MEIS2: variants seen among roughly 807,000 people sequenced by gnomAD.
The protein encoded by MEIS2 is homeobox protein Meis2.
MEIS2 carries 9 observed loss-of-function variants against 58.6 expected under a neutral mutation model. The observed-to-expected ratio is 0.15, with a 90% confidence interval of 0.09 to 0.27. The LOEUF (loss-of-function observed/expected upper bound fraction) is 0.27, where lower values mean the gene tolerates loss of function less well. MEIS2 is among the 10% of genes least tolerant of loss of function. The probability of loss-of-function intolerance (pLI) is 1.00; values close to 1 mark genes in which losing one functional copy is unlikely to be tolerated. For synonymous variants in MEIS2, 221 were observed against 228.4 expected (o/e 0.97, Z 0.29); for missense variants, 427 against 635.0 (o/e 0.67, Z 3.52).
intron 8 of MEIS2, among the ~76,000 whole-genome samples, chr15:36,963,085 T>G (rs2059241029): frequency 6.6e-6 from 1 of 151,834 alleles, no homozygotes; most frequent in African/African-American, 2.4e-5. Context: ...CATATAAGAG[T>G]GAAACTTGGC....
intron 9 of MEIS2, among the ~76,000 whole-genome samples, chr15:36,938,969 G>A (rs1471121587): frequency 1.3e-5 from 2 of 152,098 alleles, no homozygotes; most frequent in Non-Finnish European, 2.9e-5. Context: ...TGTGGACAGG[G>A]GTGTCAGCCT....
chr15:37,013,426 G>A (rs2061233478), intron 8 of MEIS2, among the ~76,000 whole-genome samples: 1 of 151,776 alleles, frequency 6.6e-6, no homozygotes, highest in Non-Finnish European at 1.5e-5. Context: ...CAAAAAATTA[G>A]CTGGGCATGG....
rs113897130 is a variant in MEIS2 at position 37,001,663 on chromosome 15, C to G, written c.900+35151G>C. Among the ~76,000 whole-genome samples, 1,189 of 152,210 alleles carry G rather than the reference C, an allele frequency of 7.8e-3. 10 individuals carry two copies. The highest frequency in any genetic ancestry group is 0.028 in the African/African-American group (1,147 of 41,518). On this transcript the variant is annotated intron_variant, in intron 8 of 11. Coordinates refer to ENST00000561208, the MANE Select transcript of MEIS2 (RefSeq NM_170675.5). ...CTCATTAGCTTACACTTAGATCAGG[C>G]TTTTGCAACCTTTAGTCATTCCCCT...
At chr15:37,057,649 A>T (rs78927105) in intron 7 of MEIS2, among the ~76,000 whole-genome samples, 1 of 151,748 alleles carries the variant, frequency 6.6e-6, no homozygotes, top group Admixed American at 6.6e-5. Flanking sequence ...TGGAACTGAA[A>T]AAATAAATAA....
chr15:36,909,678 A>G (rs2056909679), intron 9 of MEIS2, among the ~76,000 whole-genome samples: 1 of 152,208 alleles, frequency 6.6e-6, no homozygotes, highest in Non-Finnish European at 1.5e-5. Flanking sequence ...TAGAGAGGCC[A>G]GGTAAATCGT....
chr15:37,093,903 C>A (rs1893861707), intron 5 of MEIS2, 173 bp from the exon 6 acceptor site: 5 of 725,914 alleles, frequency 6.9e-6, no homozygotes, highest in Non-Finnish European at 1.1e-5. Context: ...GGCAAGGAAA[C>A]AATAGAGTAA....
At position 36,890,693 on chromosome 15, in the gene MEIS2, G is replaced by A. The variant is rs2055808962; in HGVS notation, c.*1480C>T. On this transcript the variant is annotated 3_prime_UTR_variant, in exon 12 of 12. Transcript: ENST00000561208. ...TATGTTGTAAAATTAACCCTGAAAA[G>A]TCCTTTATTCTGGCAGAGGATGCCC... 1 of 152,098 alleles carries A rather than the reference G, an allele frequency of 6.6e-6. No individual in the cohort carries two copies. The highest frequency in any genetic ancestry group is 1.5e-5 in the Non-Finnish European group (1 of 68,008). The allele number at this position is 152,098 out of a possible 1,614,324, so 9.4% of individuals were successfully genotyped here. A position where few individuals can be genotyped will look rare whatever the true frequency, so the allele number is the denominator to read the frequency against.
chr15:36,951,194 A>G (rs2058738372), intron 8 of MEIS2, among the ~76,000 whole-genome samples: 1 of 152,196 alleles, frequency 6.6e-6, no homozygotes, highest in Admixed American at 6.6e-5. Context: ...TTCTTCCATT[A>G]TCAAGACACT....
At chr15:37,000,572 C>G (rs942548224) in intron 8 of MEIS2, among the ~76,000 whole-genome samples, 11 of 151,716 alleles carry the variant, frequency 7.3e-5, no homozygotes, top group Non-Finnish European at 1.5e-4. Context: ...CTTTTTTTCT[C>G]CTCTTCGTAT....
At chr15:36,920,201 G>A (rs541256377) in intron 9 of MEIS2, among the ~76,000 whole-genome samples, 1 of 151,990 alleles carries the variant, frequency 6.6e-6, no homozygotes, top group East Asian at 1.9e-4. Context: ...CCAGGCTGGA[G>A]TACAATGGCT....
At chr15:36,946,540 A>T (rs2058573120) in intron 9 of MEIS2, among the ~76,000 whole-genome samples, 1 of 151,888 alleles carries the variant, frequency 6.6e-6, no homozygotes, top group South Asian at 2.1e-4. Context: ...ATGCCTATTT[A>T]CCCCTGGAAG....
intron 7 of MEIS2, among the ~76,000 whole-genome samples, chr15:37,062,498 T>C (rs1889355054): frequency 1.3e-5 from 2 of 152,194 alleles, no homozygotes; most frequent in Admixed American, 6.5e-5. Context: ...GAAGGAGAGA[T>C]CTTTCACAAA....
In MEIS2 at chr15:36,948,615, A is replaced by G. The variant is rs1380787236; in HGVS notation, c.977+1709T>C. On this transcript the variant is annotated intron_variant, in intron 9 of 11. Coordinates refer to ENST00000561208, the MANE Select transcript of MEIS2 (RefSeq NM_170675.5). ...ATTCTAAAGCAATGTTAACTGCGTCATGGACCAATGTGTATATATTAGCTC... is the reference window on the plus strand; with the variant it reads ...ATTCTAAAGCAATGTTAACTGCGTCGTGGACCAATGTGTATATATTAGCTC... Among the ~76,000 whole-genome samples the G allele has an allele frequency of 3.3e-5, 5 of 152,036 alleles. No homozygotes were observed. In the East Asian group the frequency reaches 9.6e-4, roughly 29 times the overall value.
At chr15:37,101,252 CGGGA>C (rs1439785460), upstream of MEIS2, 1 of 151,118 alleles carries the variant, frequency 6.6e-6, no homozygotes, top group East Asian at 2.0e-4. Flanking sequence ...GCGGCGGAAT[CGGGA>C]GGGAGGAAGT....
At position 36,935,186 on chromosome 15, in the gene MEIS2, C is replaced by CTT. The variant is rs71126245; in HGVS notation, c.977+15136_977+15137dup. On this transcript the variant is annotated intron_variant, in intron 9 of 11. Coordinates refer to ENST00000561208, the MANE Select transcript of MEIS2 (RefSeq NM_170675.5). ...TTTCCAGATTGAGAAATTCTTTTTTCTTTTTTTTTTTTTTTTTAGCGGAGG... is the reference window on the plus strand; with the variant it reads ...TTTCCAGATTGAGAAATTCTTTTTTCTTTTTTTTTTTTTTTTTTTAGCGGAGG... Among the ~76,000 whole-genome samples the CTT allele has an allele frequency of 5.9e-5, 8 of 136,644 alleles. No homozygotes were observed. In the East Asian group the frequency reaches 1.5e-3, roughly 26 times the overall value. 89.6% of individuals were successfully genotyped at this position (136,644 alleles called of 152,430 possible).
intron 11 of MEIS2, chr15:36,894,677 G>T: frequency 6.9e-7 from 1 of 1,459,306 alleles, no homozygotes; most frequent in Non-Finnish European, 9.6e-7. Flanking sequence ...TAAAGTCTCT[G>T]AAGTGATAGT....
At chr15:36,994,599 C>T (rs541384478) in intron 8 of MEIS2, among the ~76,000 whole-genome samples, 22 of 152,228 alleles carry the variant, frequency 1.4e-4, no homozygotes, top group African/African-American at 4.8e-4. Context: ...TTAGATCCTA[C>T]ATGGTTTTTC....
intron 2 of MEIS2, 96 bp downstream of exon 2, chr15:37,097,871 A>G: frequency 6.9e-7 from 1 of 1,454,096 alleles, no homozygotes; most frequent in South Asian, 1.4e-5. Context: ...TACAGAAGTA[A>G]CTCCCCACTT....
chr15:36,999,005 C>T (rs2060630280), intron 8 of MEIS2, among the ~76,000 whole-genome samples: 1 of 152,200 alleles, frequency 6.6e-6, no homozygotes, highest in East Asian at 1.9e-4. Context: ...TGACATTTAA[C>T]ACGTTGGCTC....
Sources: gnomAD v4.1 joint callset for allele counts (sites outside exome capture counted in the v4.1 genomes callset) on GRCh38, gnomAD v4.1.1 for gene constraint, MANE v1.5 for transcripts, NCBI Gene and HGNC (gene_info 2026-07-23, HGNC 2026-07-21) for gene names.